The following B4GALT6 variants were observed in gnomAD, a reference collection of about 807,000 sequenced individuals.
B4GALT6 encodes beta-1,4-galactosyltransferase 6.
In B4GALT6, 14 loss-of-function variants were observed where a neutral mutation model predicts 46.3. The ratio of observed to expected loss-of-function variants is 0.30; its 90% CI spans 0.20 to 0.47. B4GALT6 has a LOEUF of 0.47. B4GALT6 is among the 20% of genes least tolerant of loss of function. The probability of loss-of-function intolerance (pLI) is 0.99; values close to 1 mark genes in which losing one functional copy is unlikely to be tolerated. For synonymous variants in B4GALT6, 168 were observed against 162.0 expected, an observed-to-expected ratio of 1.04 and a Z score of -0.28; for missense variants, 386 against 480.1, an observed-to-expected ratio of 0.80 and a Z score of 1.83.
chr18:31,684,258 C>G, intron 1 of B4GALT6, 54 bp downstream of exon 1: 1 of 1,608,772 alleles, frequency 6.2e-7, no homozygotes, highest in Admixed American at 1.7e-5. Flanking sequence ...CGGATAACAG[C>G]CTGCGCTGGC....
chr18:31,684,563 G>A lies in B4GALT6; in HGVS notation c.-137C>T. On this transcript the variant is annotated 5_prime_UTR_variant, in exon 1 of 9. Coordinates refer to ENST00000306851, the MANE Select transcript of B4GALT6 (RefSeq NM_004775.5). ...TCCGCGCGGGGAGGCTCTGGGGAGA[G>A]GGCCCGAGCGGAAAAGAGGAAATGG... The A allele has an allele frequency of 6.9e-7, 1 of 1,441,768 alleles. No homozygotes were observed. Among genetic ancestry groups the A allele is most frequent in the Non-Finnish European group, 9.1e-7 (1 of 1,095,112 alleles). The allele number at this position is 1,441,768 out of a possible 1,614,324, so 89.3% of individuals were successfully genotyped here.
intron 1 of B4GALT6, among the ~76,000 whole-genome samples, 179 bp from the exon 2 acceptor site, chr18:31,666,551 A>T (rs1183535732): frequency 6.6e-6 from 1 of 152,132 alleles, no homozygotes; most frequent in Non-Finnish European, 1.5e-5. Context: ...AAACAAACTG[A>T]TTTTTTAAGA....
the B4GALT6 span, among the ~76,000 whole-genome samples, chr18:31,692,480 C>T: frequency 2.0e-5 from 3 of 152,146 alleles, no homozygotes; most frequent in East Asian, 1.9e-4. Context: ...AATTTTCATA[C>T]ACTTTTGGCT....
chr18:31,698,974 C>T, the B4GALT6 span, among the ~76,000 whole-genome samples: 17 of 148,294 alleles, frequency 1.1e-4, no homozygotes. Context: ...GGCTGAGGCA[C>T]AAGAATCACT....
chr18:31,705,655 T>C, the B4GALT6 span, among the ~76,000 whole-genome samples: 3 of 152,230 alleles, frequency 2.0e-5, no homozygotes, highest in African/African-American at 7.2e-5. Flanking sequence ...CCCAAAGTGC[T>C]GGGATTACAG....
the B4GALT6 span, among the ~76,000 whole-genome samples, chr18:31,711,666 G>A: frequency 6.6e-6 from 1 of 152,150 alleles, no homozygotes; most frequent in Non-Finnish European, 1.5e-5. Context: ...CCTTTCCAAT[G>A]TCCTGAAATT....
intron 1 of B4GALT6, among the ~76,000 whole-genome samples, chr18:31,682,174 G>A (rs1035465078): frequency 5.9e-5 from 9 of 152,190 alleles, no homozygotes; most frequent in African/African-American, 1.9e-4. Flanking sequence ...TGAGCAAAGT[G>A]AGCCTGACAC....
chr18:31,645,565 CA>C, intron 3 of B4GALT6, 86 bp from the exon 4 acceptor site: 1 of 1,371,112 alleles, frequency 7.3e-7, no homozygotes, highest in Non-Finnish European at 9.9e-7. Context: ...AGGGTGATGG[CA>C]TATCTTAGTT....
the B4GALT6 span, among the ~76,000 whole-genome samples, chr18:31,701,532 G>A: frequency 6.6e-6 from 1 of 152,112 alleles, no homozygotes; most frequent in African/African-American, 2.4e-5. Flanking sequence ...AAGTCATGGG[G>A]AAACATAATA....
At chr18:31,640,344 G>A (rs9950131) in intron 4 of B4GALT6, among the ~76,000 whole-genome samples, 230 of 152,064 alleles carry the variant, frequency 1.5e-3, no homozygotes, top group Middle Eastern at 0.01. Context: ...ATCATCAAAC[G>A]AAAATAATAT....
intron 3 of B4GALT6, among the ~76,000 whole-genome samples, chr18:31,648,003 C>T (rs1041610078): frequency 2.6e-5 from 4 of 152,116 alleles, no homozygotes; most frequent in East Asian, 1.9e-4. Context: ...CAAAAGGCAT[C>T]GGAAAACCAC....
At chr18:31,722,680 A>G in the B4GALT6 span, among the ~76,000 whole-genome samples, 9 of 152,116 alleles carry the variant, frequency 5.9e-5, no homozygotes, top group Non-Finnish European at 1.0e-4. Context: ...TCCTCTGCCT[A>G]CTTGCCTTCA....
chr18:31,707,866 T>C, the B4GALT6 span, among the ~76,000 whole-genome samples: 1 of 152,214 alleles, frequency 6.6e-6, no homozygotes, highest in South Asian at 2.1e-4. Flanking sequence ...CAATATGCTA[T>C]AATTGCATGT....
intron 1 of B4GALT6, among the ~76,000 whole-genome samples, chr18:31,678,309 A>C (rs2074438388): frequency 6.6e-6 from 1 of 152,212 alleles, no homozygotes; most frequent in South Asian, 2.1e-4. Context: ...ATTGCAGGTC[A>C]GTTAGAAGAC....
intron 6 of B4GALT6, among the ~76,000 whole-genome samples, chr18:31,629,577 C>T (rs1299281985): frequency 2.1e-5 from 3 of 145,528 alleles, no homozygotes; most frequent in Non-Finnish European, 4.5e-5. Flanking sequence ...TTGCCGGGCA[C>T]GGTGGCTCAT....
chr18:31,705,032 G>A, the B4GALT6 span, among the ~76,000 whole-genome samples: 307 of 152,126 alleles, frequency 2.0e-3, no homozygotes, highest in Middle Eastern at 6.8e-3. Flanking sequence ...AGGCAAACAA[G>A]ACAAATAAGA....
the B4GALT6 span, among the ~76,000 whole-genome samples, chr18:31,694,270 T>G: frequency 6.6e-6 from 1 of 152,214 alleles, no homozygotes; most frequent in Admixed American, 6.5e-5. Context: ...AGTCTTTCCT[T>G]CAGGAAGATG....
intron 5 of B4GALT6, among the ~76,000 whole-genome samples, chr18:31,635,638 T>C (rs1414215457): frequency 6.6e-6 from 1 of 152,096 alleles, no homozygotes; most frequent in East Asian, 1.9e-4. Flanking sequence ...ATAACCATTT[T>C]AGGAATAAAA....
chr18:31,702,008 T>C, the B4GALT6 span, among the ~76,000 whole-genome samples: 1 of 152,170 alleles, frequency 6.6e-6, no homozygotes, highest in Non-Finnish European at 1.5e-5. Flanking sequence ...TAAAAAGCAC[T>C]TACATAAGAG....
Sources: allele counts gnomAD v4.1 joint callset (sites outside exome capture counted in the v4.1 genomes callset), GRCh38; gene constraint gnomAD v4.1.1; transcripts MANE v1.5; gene names NCBI Gene and HGNC (gene_info 2026-07-23, HGNC 2026-07-21).